The following URB2 variants were observed in gnomAD, a reference collection of about 807,000 sequenced individuals.
The protein encoded by URB2 is URB2 ribosome biogenesis homolog.
URB2 carries 86 observed loss-of-function variants against 120.9 expected under a neutral mutation model. The observed-to-expected ratio is 0.71, with a 90% CI of 0.60 to 0.85. URB2 has a LOEUF of 0.85. Ranked by LOEUF, URB2 falls within the 40% of genes least tolerant of loss-of-function variation. The pLI is 0.00. For synonymous variants in URB2, 755 were observed against 758.4 expected (o/e 1.00, Z 0.07); for missense variants, 1,765 against 1,836.5 (o/e 0.96, Z 0.71).
At chr1:229,655,967 C>T (rs1228536420) in intron 9 of URB2, among the ~76,000 whole-genome samples, 1 of 152,210 alleles carries the variant, frequency 6.6e-6, no homozygotes, top group Admixed American at 6.5e-5. Context: ...GCCTTGCTCA[C>T]CTCGGCAGGT....
chr1:229,627,216 A>G (rs1387339234), intron 1 of URB2, among the ~76,000 whole-genome samples: 2 of 152,188 alleles, frequency 1.3e-5, no homozygotes, highest in African/African-American at 2.4e-5. Context: ...GAGACATATT[A>G]CTTTCTCCGG....
At chr1:229,628,194 T>C (rs923372515) in intron 2 of URB2, among the ~76,000 whole-genome samples, 1 of 144,382 alleles carries the variant, frequency 6.9e-6, no homozygotes, top group Non-Finnish European at 1.5e-5. Context: ...ATATATAATA[T>C]ATATGTATAT....
chr1:229,627,500 AC>A, intron 1 of URB2, 120 bp from the exon 2 acceptor site: 1 of 954,060 alleles, frequency 1.0e-6, no homozygotes, highest in African/African-American at 1.7e-5. Flanking sequence ...TTCATTAAAA[AC>A]TTTTAAAAGA....
chr1:229,658,134 C>T (rs1247372584), intron 9 of URB2, among the ~76,000 whole-genome samples: 1 of 152,192 alleles, frequency 6.6e-6, no homozygotes, highest in Non-Finnish European at 1.5e-5. Flanking sequence ...GCCATCACCA[C>T]CATCTGTTCC....
In URB2 at chr1:229,635,209, C is replaced by T; in HGVS notation, c.596C>T (p.Ala199Val). The T allele has an allele frequency of 6.2e-7, 1 of 1,614,248 alleles. No homozygotes were observed. The highest frequency in any genetic ancestry group is 1.1e-5 in the South Asian group (1 of 91,090). Residue 199 changes from alanine to valine, a missense_variant, in exon 4 of 10, where the codon GCT becomes GTT. By Grantham distance (64) the Ala-to-Val change is moderately conservative. Coordinates refer to ENST00000258243, the MANE Select transcript of URB2 (RefSeq NM_014777.4). ...NPRRAFGDVTAHLLQPCLVLR... is the reference protein window; with the variant it reads ...NPRRAFGDVTVHLLQPCLVLR... ...AGACGTGCCTTTGGGGATGTGACTG[C>T]TCACCTGCTCCAGCCGTGCCTGGTC...
Position 229,659,703 on chromosome 1 carries a change from A to G in URB2, c.*406A>G, listed in dbSNP as rs1666479031. 6.4e-6 allele frequency: 1 copy of G among 155,048 alleles called. No individual in the cohort carries two copies. The highest frequency in any genetic ancestry group is 2.0e-4 in the South Asian group (1 of 4,950). The allele number at this position is 155,048 out of a possible 1,614,324, so 9.6% of individuals were successfully genotyped here. A position where few individuals can be genotyped will look rare whatever the true frequency, so the allele number is the denominator to read the frequency against. ...GTATAATTCAGCCCTGTTTAAATAT[A>G]CTTGCCTTTCAAATTCTTCAAGTAA... is the stretch of plus-strand genomic sequence containing the variant. On this transcript the variant is annotated 3_prime_UTR_variant, in exon 10 of 10. Coordinates refer to ENST00000258243, the MANE Select transcript of URB2 (RefSeq NM_014777.4).
chr1:229,628,021 G>A (rs972020785), intron 2 of URB2, among the ~76,000 whole-genome samples: 2 of 148,928 alleles, frequency 1.3e-5, no homozygotes, highest in African/African-American at 2.5e-5. Flanking sequence ...AGGCCAAAGC[G>A]GGGGATCGCT....
At chr1:229,640,963 T>C (rs1441059370) in intron 4 of URB2, among the ~76,000 whole-genome samples, 1 of 151,872 alleles carries the variant, frequency 6.6e-6, no homozygotes, top group Non-Finnish European at 1.5e-5. Flanking sequence ...AAAGAGAATA[T>C]TGTGTCCTCC....
chr1:229,636,039 G>T lies in URB2; in HGVS notation c.1426G>T (p.Val476Leu), dbSNP rs759447537. 9.3e-6 allele frequency: 15 copies of T among 1,614,008 alleles called. No homozygotes were observed. Among genetic ancestry groups the T allele is most frequent in the Non-Finnish European group, 1.2e-5 (14 of 1,179,974 alleles). The change falls in exon 4 of 10, where the codon GTG becomes TTG. Residue 476 changes from valine to leucine, a missense_variant. By Grantham distance (32) the Val-to-Leu change is conservative (BLOSUM62 1). Coordinates refer to ENST00000258243, the MANE Select transcript of URB2 (RefSeq NM_014777.4). ...ACGGTTGTTTGAAGAGGTTTTGGGG[G>T]TGATCTGTCGTCCAGCTGCTGAGGC... is the stretch of plus-strand genomic sequence containing the variant. Reference protein sequence around the residue: ...VPRLFEEVLGVICRPAAEALR... With the variant: ...VPRLFEEVLGLICRPAAEALR...
In URB2 at chr1:229,637,197, G is replaced by A. The variant is rs759945900; in HGVS notation, c.2584G>A (p.Glu862Lys). Residue 862 changes from glutamate (E) to lysine (K), a missense_variant, in exon 4 of 10, where the codon GAA becomes AAA. Transcript: ENST00000258243. ...AAACAGATTTGCAAAAGCTGGACCC[G>A]AAGGTATAGAACCTAGAGGAGAAAT... is the stretch of plus-strand genomic sequence containing the variant. ...WENRFAKAGPEGIEPRGEIAQ... is the reference protein window; with the variant it reads ...WENRFAKAGPKGIEPRGEIAQ... The A allele has an allele frequency of 6.2e-6, 10 of 1,613,712 alleles. No individual in the cohort carries two copies. The highest frequency in any genetic ancestry group is 3.3e-5 in the Admixed American group (2 of 59,990).
chr1:229,639,442 C>T (rs1159008971), intron 4 of URB2, among the ~76,000 whole-genome samples: 1 of 149,964 alleles, frequency 6.7e-6, no homozygotes, highest in African/African-American at 2.5e-5. Context: ...TCATGCCATT[C>T]TCCTGCCTCA....
At chr1:229,642,576 T>C (rs2102791237) in intron 4 of URB2, among the ~76,000 whole-genome samples, 2 of 152,316 alleles carry the variant, frequency 1.3e-5, no homozygotes, top group South Asian at 4.1e-4. Context: ...GTGCCCTGGC[T>C]TTGGGCGTTA....
chr1:229,642,838 G>A (rs979019861), intron 4 of URB2, among the ~76,000 whole-genome samples: 5 of 152,094 alleles, frequency 3.3e-5, no homozygotes, highest in Admixed American at 1.3e-4. Flanking sequence ...AAAAAATTCC[G>A]TGTATATCCT....
intron 2 of URB2, among the ~76,000 whole-genome samples, chr1:229,629,515 G>T (rs1665609901): frequency 6.6e-6 from 1 of 152,162 alleles, no homozygotes; most frequent in South Asian, 2.1e-4. Flanking sequence ...TAAAATTTAT[G>T]TTTATACTAT....
Position 229,635,834 on chromosome 1 carries a change from C to G in URB2, c.1221C>G (p.Ala407=). The G allele has an allele frequency of 6.2e-7, 1 of 1,614,110 alleles. No individual in the cohort carries two copies. Among genetic ancestry groups the G allele is most frequent in the Non-Finnish European group, 8.5e-7 (1 of 1,179,956 alleles). The change falls in exon 4 of 10, where the codon GCC becomes GCG. Residue 407 remains alanine, a synonymous_variant. Coordinates refer to ENST00000258243, the MANE Select transcript of URB2 (RefSeq NM_014777.4). The part of the protein sequence containing the change: ...LINHAQAPIP[A]WFRCLKTLIS... Reference sequence around the variant, plus strand: ...ACCATGCACAAGCACCCATACCGGCCTGGTTCCGCTGTCTGAAGACTTTGA... The same window carrying G: ...ACCATGCACAAGCACCCATACCGGCGTGGTTCCGCTGTCTGAAGACTTTGA...
intron 6 of URB2, 100 bp downstream of exon 6, chr1:229,646,069 C>G (rs191620772): frequency 9.1e-7 from 1 of 1,097,462 alleles, no homozygotes; most frequent in Admixed American, 1.9e-5. Context: ...TAGCTTTATG[C>G]AGAACGTGTG....
Position 229,654,286 on chromosome 1 carries a change from A to C in URB2, c.4275A>C (p.Ala1425=). 6.2e-7 allele frequency: 1 copy of C among 1,614,176 alleles called. No homozygotes were observed. Among genetic ancestry groups the C allele is most frequent in the Non-Finnish European group, 8.5e-7 (1 of 1,180,024 alleles). ...ACCTGCCTACGGTCCTAAAGTGTGC[A>C]CGCCTGGTTGAAAGAATGTACAGCC... ...IDDLPTVLKC[A]RLVERMYSHI... is the part of the protein sequence containing the mutation. The change falls in exon 9 of 10, where the codon GCA becomes GCC. Residue 1425 remains alanine (A), a synonymous_variant. Transcript: ENST00000258243.
At chr1:229,638,304 C>T in intron 4 of URB2, 57 bp downstream of exon 4, 6 of 1,505,834 alleles carry the variant, frequency 4.0e-6, no homozygotes, top group South Asian at 1.3e-5. Context: ...TTCCACTGCT[C>T]CCCTTTTTGG....
At position 229,654,314 on chromosome 1, in the gene URB2, A is replaced by G; in HGVS notation, c.4303A>G (p.Ile1435Val). The change falls in exon 9 of 10, where the codon ATC becomes GTC. Residue 1435 changes from isoleucine (I) to valine (V), a missense_variant. By Grantham distance (29) the Ile-to-Val change is conservative. Transcript: ENST00000258243. The part of the protein sequence containing the change: ...ARLVERMYSH[I>V]AARAEEFAVF... ...CCTGGTTGAAAGAATGTACAGCCAC[A>G]TCGCCGCACGAGCTGAGGAGTTTGC... The G allele has an allele frequency of 6.2e-7, 1 of 1,614,212 alleles. No individual in the cohort carries two copies. Among genetic ancestry groups the G allele is most frequent in the Non-Finnish European group, 8.5e-7 (1 of 1,180,038 alleles).
Sources: gnomAD v4.1 joint callset for allele counts (sites outside exome capture counted in the v4.1 genomes callset) on GRCh38, gnomAD v4.1.1 for gene constraint, MANE v1.5 for transcripts, NCBI Gene and HGNC (gene_info 2026-07-23, HGNC 2026-07-21) for gene names.